The following SLC5A9 variants were observed in gnomAD, a reference collection of about 807,000 sequenced individuals.
SLC5A9 encodes solute carrier family 5 member 9.
Under a neutral mutation model 70.9 loss-of-function variants are expected in SLC5A9, and 59 were observed. The ratio of observed to expected loss-of-function variants is 0.83; its 90% CI spans 0.68 to 1.03. SLC5A9 has a LOEUF of 1.03. SLC5A9 is among the 50% of genes least tolerant of loss of function. The pLI is 0.00. For missense variants in SLC5A9, 832 were observed against 881.1 expected (o/e 0.94, Z 0.71); for synonymous variants, 340 against 346.5 (o/e 0.98, Z 0.21).
chr1:48,242,660 G>C lies in SLC5A9; in HGVS notation c.1837+44G>C, dbSNP rs375635527. 40 of 1,556,496 alleles carry C rather than the reference G, an allele frequency of 2.6e-5. 1 individual carries two copies. The highest frequency in any genetic ancestry group is 3.6e-5 in the South Asian group (3 of 83,238). The stretch of plus-strand genomic sequence containing the variant: ...GGGGATACTCATCACAGAGGAACAG[G>C]GGGGACAGACCTATGTCATGGGCGG... On this transcript the variant is annotated intron_variant, in intron 13 of 13. Transcript: ENST00000438567.
chr1:48,247,353 G>A lies in SLC5A9; in HGVS notation c.1856G>A (p.Gly619Glu). 1 of 1,613,996 alleles carries A rather than the reference G, an allele frequency of 6.2e-7. No homozygotes were observed. The highest frequency in any genetic ancestry group is 8.5e-7 in the Non-Finnish European group (1 of 1,179,988). Residue 619 changes from glycine (G) to glutamate (E), a missense_variant, in exon 14 of 14, where the codon GGA (glycine) becomes GAA (glutamate). Physicochemically the swap from Gly to Glu is moderately conservative, Grantham distance 98 (BLOSUM62 -2). Transcript: ENST00000438567. ...CCTCCAGCCCCAAGCAGGTCCTGGGGAAAGTTGCTCTGGAGCTGGTTCTGT... is the reference window on the plus strand; with the variant it reads ...CCTCCAGCCCCAAGCAGGTCCTGGGAAAAGTTGCTCTGGAGCTGGTTCTGT... ...EQPEAPSRSW[G>E]KLLWSWFCGL...
At position 48,228,908 on chromosome 1, in the gene SLC5A9, G is replaced by C. The variant is rs1284372045; in HGVS notation, c.293G>C (p.Gly98Ala). The change falls in exon 3 of 14, where the codon GGG becomes GCG. Residue 98 changes from glycine (G) to alanine (A), a missense_variant. Coordinates refer to ENST00000438567, the MANE Select transcript of SLC5A9 (RefSeq NM_001011547.3). Reference sequence around the variant, plus strand: ...AGTGGCTTGTTCATCGGCCTGGCTGGGACAGGGGCTGCCGGAGGCCTTGCC... The same window carrying C: ...AGTGGCTTGTTCATCGGCCTGGCTGCGACAGGGGCTGCCGGAGGCCTTGCC... ...VGSGLFIGLA[G>A]TGAAGGLAVG... 6.2e-7 allele frequency: 1 copy of C among 1,613,664 alleles called. No homozygotes were observed. The highest frequency in any genetic ancestry group is 8.5e-7 in the Non-Finnish European group (1 of 1,179,998).
chr1:48,247,343 A>G lies in SLC5A9; in HGVS notation c.1846A>G (p.Arg616Gly). The change falls in exon 14 of 14, where the codon AGG becomes GGG. Residue 616 changes from arginine to glycine, a missense_variant. Arg to Gly is a moderately radical substitution (Grantham distance 125, BLOSUM62 -2). Transcript: ENST00000438567. ...LGQEQPEAPS[R>G]SWGKLLWSWF... is the part of the protein sequence containing the mutation. ...TGGCTTTGTCCCTCCAGCCCCAAGC[A>G]GGTCCTGGGGAAAGTTGCTCTGGAG... 6.2e-7 allele frequency: 1 copy of G among 1,613,850 alleles called. No individual in the cohort carries two copies. The highest frequency in any genetic ancestry group is 8.5e-7 in the Non-Finnish European group (1 of 1,179,914).
At chr1:48,244,729 A>G (rs1282447063) in intron 13 of SLC5A9, among the ~76,000 whole-genome samples, 1 of 120,334 alleles carries the variant, frequency 8.3e-6, no homozygotes, top group Non-Finnish European at 1.7e-5. Context: ...TATATATAAA[A>G]TATATAATAT....
chr1:48,237,558 C>G (rs1370970510), intron 10 of SLC5A9, 121 bp from the exon 11 acceptor site: 5 of 933,512 alleles, frequency 5.4e-6, no homozygotes, highest in Admixed American at 5.3e-5. Flanking sequence ...CCAACCTTCT[C>G]TGATCTAGTG....
intron 2 of SLC5A9, among the ~76,000 whole-genome samples, chr1:48,227,359 G>A (rs1226732703): frequency 6.9e-6 from 1 of 144,340 alleles, no homozygotes; most frequent in Non-Finnish European, 1.5e-5. Flanking sequence ...TGTGTACTGT[G>A]CCTGTGTGTG....
chr1:48,239,278 C>T lies in SLC5A9; in HGVS notation c.1462-44C>T, dbSNP rs1486846637. 4 of 1,449,412 alleles carry T rather than the reference C, an allele frequency of 2.8e-6. No homozygotes were observed. In the African/African-American group the frequency reaches 4.2e-5, roughly 15 times the overall value. The allele number at this position is 1,449,412 out of a possible 1,614,324, so 89.8% of individuals were successfully genotyped here. On this transcript the variant is annotated intron_variant, in intron 11 of 13. Coordinates refer to ENST00000438567, the MANE Select transcript of SLC5A9 (RefSeq NM_001011547.3). This position sits in a 1 kb window ranked among gnomAD's most constrained non-coding sequence, Gnocchi z 4.2. Reference sequence around the variant, plus strand: ...GAGTAGTTTTACCTTCCTAGGGTCTCCCACCTGGATCTCACCTCAGCTCTT... The same window carrying T: ...GAGTAGTTTTACCTTCCTAGGGTCTTCCACCTGGATCTCACCTCAGCTCTT...
chr1:48,231,712 T>C lies in SLC5A9; in HGVS notation c.691+87T>C, dbSNP rs560935221. 9.0e-6 allele frequency: 14 copies of C among 1,559,818 alleles called. No individual in the cohort carries two copies. In the African/African-American group the frequency reaches 1.9e-4, roughly 21 times the overall value. ...GCCACCTCCACAGTTCGATTGAAAC[T>C]TTCCAGTGCATAGAGCCATGTGAGC... On this transcript the variant is annotated intron_variant, in intron 6 of 13. Coordinates refer to ENST00000438567, the MANE Select transcript of SLC5A9 (RefSeq NM_001011547.3).
At chr1:48,242,074 A>T in intron 12 of SLC5A9, 1 of 462,100 alleles carries the variant, frequency 2.2e-6, no homozygotes. Context: ...GTGACTCTCC[A>T]TTGCCTACAG....
Position 48,242,481 on chromosome 1 carries a change from C to A in SLC5A9, c.1702C>A (p.Arg568=). ...EQLTRLTWWT[R]NCPLSELEKE... ...GCTCACACGCCTCACATGGTGGACT[C>A]GGAACTGCCCCCTCTCTGAGCTGGA... Residue 568 remains arginine, a synonymous_variant, in exon 13 of 14, where the codon CGG becomes AGG. Transcript: ENST00000438567. 6.2e-7 allele frequency: 1 copy of A among 1,610,516 alleles called. No individual in the cohort carries two copies. The highest frequency in any genetic ancestry group is 1.3e-5 in the African/African-American group (1 of 74,946).
At chr1:48,230,975 G>C (rs990453798) in intron 5 of SLC5A9, among the ~76,000 whole-genome samples, 2 of 152,134 alleles carry the variant, frequency 1.3e-5, no homozygotes, top group Non-Finnish European at 2.9e-5. Context: ...GCAGAGACAG[G>C]GAAGGAGAGA....
chr1:48,231,902 C>T (rs746575504), intron 6 of SLC5A9, 44 bp from the exon 7 acceptor site: 12 of 1,611,624 alleles, frequency 7.4e-6, no homozygotes, highest in Non-Finnish European at 1.0e-5. Context: ...GAGTGACAGG[C>T]TCAGTGGGGT....
chr1:48,226,077 G>A (rs1644142352), intron 2 of SLC5A9, among the ~76,000 whole-genome samples: 1 of 152,202 alleles, frequency 6.6e-6, no homozygotes, highest in South Asian at 2.1e-4. Flanking sequence ...TGTCTGTCCA[G>A]CATGACAGAA....
chr1:48,235,693 G>A (rs1441724099), intron 9 of SLC5A9, 36 bp from the exon 10 acceptor site: 1 of 1,612,312 alleles, frequency 6.2e-7, no homozygotes. Flanking sequence ...CGGCCTTAAT[G>A]GGCCAGCCGT....
rs1426677278 is a variant in SLC5A9, at chr1:48,233,743, C to G, written c.1122C>G (p.Val374=). 3 of 1,613,492 alleles carry G rather than the reference C, an allele frequency of 1.9e-6. No homozygotes were observed. The highest frequency in any genetic ancestry group is 2.2e-5 in the South Asian group (2 of 90,964). ...CCAACATTGCCTACCCTAAGTTGGT[C>G]ATGGCCCTCATGCCTGTTGGTGAGT... ...GCSNIAYPKL[V]MALMPVGLRG... The change falls in exon 9 of 14, where the codon GTC becomes GTG. Residue 374 remains valine (V), a synonymous_variant. Coordinates refer to ENST00000438567, the MANE Select transcript of SLC5A9 (RefSeq NM_001011547.3).
rs760928641 is a variant in SLC5A9, at chr1:48,232,047, G to A, written c.793G>A (p.Asp265Asn). The A allele has an allele frequency of 1.7e-5, 27 of 1,614,052 alleles. No individual in the cohort carries two copies. The highest frequency in any genetic ancestry group is 1.7e-4 in the Admixed American group (10 of 60,010). The change falls in exon 7 of 14, where the codon GAT (aspartate) becomes AAT (asparagine). Residue 265 changes from aspartate (D) to asparagine (N), a missense_variant. Physicochemically the swap from Asp to Asn is conservative, Grantham distance 23 (BLOSUM62 1). Transcript: ENST00000438567. Reference protein sequence around the residue: ...PNTTCHLPRPDAFHILRDPVS... With the variant: ...PNTTCHLPRPNAFHILRDPVS... The stretch of plus-strand genomic sequence containing the variant: ...CACCACCTGTCACCTCCCACGGCCC[G>A]ATGCTTTCCACATTCTTCGGGACCC...
At chr1:48,226,029 G>C (rs1042978143) in intron 2 of SLC5A9, among the ~76,000 whole-genome samples, 8 of 152,144 alleles carry the variant, frequency 5.3e-5, no homozygotes, top group Non-Finnish European at 1.2e-4. Flanking sequence ...GGAAGGTTTA[G>C]GTATCTGGGA....
rs569342555 is a variant in SLC5A9 at position 48,234,529 on chromosome 1, T to G, written c.1141+767T>G. 1.1e-4 allele frequency among the ~76,000 whole-genome samples: 17 copies of G among 151,876 alleles called. No individual in the cohort carries two copies. In the South Asian group the frequency reaches 3.5e-3, roughly 32 times the overall value. On this transcript the variant is annotated intron_variant, in intron 9 of 13. Coordinates refer to ENST00000438567, the MANE Select transcript of SLC5A9 (RefSeq NM_001011547.3). ...TGGACCAAGTCAGTGGCATCAGAGA[T>G]GGAGAGAAGGGATTTAAAGATGTTT... is the stretch of plus-strand genomic sequence containing the variant.
intron 2 of SLC5A9, chr1:48,228,460 G>A (rs1644196157): frequency 5.4e-6 from 1 of 185,390 alleles, no homozygotes. Flanking sequence ...GTGGTGGGAG[G>A]GCCTTTCCTT....
Sources: gnomAD v4.1 joint callset for allele counts (sites outside exome capture counted in the v4.1 genomes callset) on GRCh38, gnomAD v4.1.1 for gene constraint, Gnocchi (gnomAD v3.1) non-coding constraint, MANE v1.5 for transcripts, NCBI Gene and HGNC (gene_info 2026-07-23, HGNC 2026-07-21) for gene names.